UBASH3A: variants seen among roughly 807,000 people sequenced by gnomAD.
UBASH3A encodes ubiquitin-associated and SH3 domain-containing protein A.
A neutral mutation model predicts 73.5 loss-of-function variants in UBASH3A; 63 were observed. The ratio of observed to expected loss-of-function variants is 0.86; its 90% CI spans 0.70 to 1.06. The LOEUF (loss-of-function observed/expected upper bound fraction) is 1.06. Among genes scored for constraint, UBASH3A ranks in the 50% least tolerant of loss-of-function variants. UBASH3A has a pLI of 0.00. For missense variants in UBASH3A, 860 were observed against 859.0 expected (o/e 1.00, Z -0.02); for synonymous variants, 363 against 351.1 (o/e 1.03, Z -0.38).
At chr21:42,420,015 A>G (rs2053305111) in intron 7 of UBASH3A, among the ~76,000 whole-genome samples, 1 of 152,208 alleles carries the variant, frequency 6.6e-6, no homozygotes, top group South Asian at 2.1e-4. Context: ...ACCCCATCTG[A>G]AGTTGAAGAA....
At position 42,423,533 on chromosome 21, in the gene UBASH3A, G is replaced by C. The variant is rs529839799; in HGVS notation, c.1047-3164G>C. ...ACCATCTCAATTTCAGGAGGGTTGG[G>C]GCTCCCCTGTGGCCCCGCATCATTT... On this transcript the variant is annotated intron_variant, in intron 7 of 14. Transcript: ENST00000319294. Among the ~76,000 whole-genome samples the C allele has an allele frequency of 2.0e-5, 3 of 152,252 alleles. No individual in the cohort carries two copies. In the South Asian group the frequency reaches 6.2e-4, roughly 32 times the overall value.
intron 1 of UBASH3A, among the ~76,000 whole-genome samples, chr21:42,405,631 G>T (rs571400162): frequency 6.6e-6 from 1 of 152,170 alleles, no homozygotes; most frequent in Non-Finnish European, 1.5e-5. Flanking sequence ...ATGGACGCCC[G>T]CTGTTTCCAG....
In UBASH3A at chr21:42,426,953, T is replaced by C. The variant is rs1568926730; in HGVS notation, c.1170+133T>C. ...ACATCCTCCCTGCCCTAGAGCGTGG[T>C]CAGCAAGGGGGCCTCCCAGGTCTGA... On this transcript the variant is annotated intron_variant, in intron 8 of 14. Coordinates refer to ENST00000319294, the MANE Select transcript of UBASH3A (RefSeq NM_018961.4). The C allele has an allele frequency of 2.5e-6, 3 of 1,193,750 alleles. No individual in the cohort carries two copies. In the East Asian group the frequency reaches 7.9e-5, roughly 32 times the overall value. 73.9% of individuals were successfully genotyped at this position (1,193,750 alleles called of 1,614,324 possible).
At chr21:42,434,098 C>T (rs754321664) in intron 9 of UBASH3A, among the ~76,000 whole-genome samples, 6 of 151,928 alleles carry the variant, frequency 3.9e-5, no homozygotes, top group Non-Finnish European at 7.4e-5. Context: ...ACCAGTGCCC[C>T]GACTCGTTGA....
At chr21:42,440,405 G>A (rs949390004) in intron 11 of UBASH3A, among the ~76,000 whole-genome samples, 3 of 152,204 alleles carry the variant, frequency 2.0e-5, no homozygotes, top group Admixed American at 6.5e-5. Flanking sequence ...TAGGATCAAT[G>A]TATTTATAAT....
chr21:42,434,789 T>A (rs371316657), intron 9 of UBASH3A, 43 bp from the exon 10 acceptor site: 1 of 1,595,236 alleles, frequency 6.3e-7, no homozygotes, highest in Non-Finnish European at 8.6e-7. Context: ...AAATCTGTAC[T>A]AACTTGATGA....
At chr21:42,435,185 T>G in intron 10 of UBASH3A, 1 of 373,066 alleles carries the variant, frequency 2.7e-6, no homozygotes, top group Non-Finnish European at 4.8e-6. Flanking sequence ...TTCAGGAAGT[T>G]GGCAGGAATG....
In UBASH3A at chr21:42,409,500, G is replaced by A. The variant is rs745401763; in HGVS notation, c.246G>A (p.Gly82=). 1.9e-6 allele frequency: 3 copies of A among 1,614,106 alleles called. No homozygotes were observed. Among genetic ancestry groups the A allele is most frequent in the Non-Finnish European group, 2.5e-6 (3 of 1,180,008 alleles). The change falls in exon 3 of 15, where the codon GGG becomes GGA. Residue 82 remains glycine, a synonymous_variant. Coordinates refer to ENST00000319294, the MANE Select transcript of UBASH3A (RefSeq NM_018961.4). ...QEYALFLCPT[G]PLLEKLQEFW... is the part of the protein sequence containing the mutation. ...ATGCCCTTTTCCTCTGTCCAACGGG[G>A]CCCCTGCTGGAAAAACTTCAAGAGT... is the stretch of plus-strand genomic sequence containing the variant.
At chr21:42,405,955 G>A (rs557175340) in intron 1 of UBASH3A, among the ~76,000 whole-genome samples, 26 of 139,752 alleles carry the variant, frequency 1.9e-4, no homozygotes, top group Middle Eastern at 3.5e-3. Flanking sequence ...GGCACGTTCC[G>A]CAGGGTGGGT....
At chr21:42,420,224 T>A (rs117346108) in intron 7 of UBASH3A, among the ~76,000 whole-genome samples, 3 of 152,180 alleles carry the variant, frequency 2.0e-5, no homozygotes, top group Non-Finnish European at 2.9e-5. Context: ...GTCCCCGATA[T>A]AAAATGCTGT....
intron 2 of UBASH3A, 37 bp downstream of exon 2, chr21:42,406,398 G>A (rs1380694292): frequency 6.3e-7 from 1 of 1,580,384 alleles, no homozygotes; most frequent in Non-Finnish European, 8.7e-7. Context: ...AGGGGCGTTT[G>A]GGCTGAATTC....
chr21:42,413,037 A>G lies in UBASH3A; in HGVS notation c.368A>G (p.Lys123Arg). Residue 123 changes from lysine (K) to arginine (R), a missense_variant, in exon 4 of 15, where the codon AAG becomes AGG. By Grantham distance (26) the Lys-to-Arg change is conservative (BLOSUM62 2). Coordinates refer to ENST00000319294, the MANE Select transcript of UBASH3A (RefSeq NM_018961.4). This position sits in a 1 kb window ranked among gnomAD's most constrained non-coding sequence, Gnocchi z 4.5. Reference protein sequence around the residue: ...LCDFFTCEDQKVECLYEALKR... With the variant: ...LCDFFTCEDQRVECLYEALKR... ...CTGTCCCCTTAGTGTGAAGACCAGA[A>G]GGTGGAATGCCTGTACGAGGCGCTG... is the stretch of plus-strand genomic sequence containing the variant. The G allele has an allele frequency of 1.2e-6, 2 of 1,614,180 alleles. No homozygotes were observed. The highest frequency in any genetic ancestry group is 1.7e-6 in the Non-Finnish European group (2 of 1,179,978).
chr21:42,426,794 A>G lies in UBASH3A; in HGVS notation c.1144A>G (p.Ser382Gly). 2 of 1,614,208 alleles carry G rather than the reference A, an allele frequency of 1.2e-6. No homozygotes were observed. The highest frequency in any genetic ancestry group is 1.7e-6 in the Non-Finnish European group (2 of 1,180,028). Residue 382 changes from serine (S) to glycine (G), a missense_variant, in exon 8 of 15, where the codon AGT becomes GGT. Ser to Gly is a moderately conservative substitution (Grantham distance 56, BLOSUM62 0). Transcript: ENST00000319294. ...GGAATTTCTTCCACAAACGGCAAGG[A>G]GTCTTAGCAGCTTACAGGCCTTGCA... ...SGEFLPQTAR[S>G]LSSLQALQAT...
chr21:42,404,056 C>G lies in UBASH3A; in HGVS notation c.111C>G (p.Thr37=), dbSNP rs987176797. Residue 37 remains threonine, a splice_region_variant and synonymous_variant, in exon 1 of 15, where the codon ACC becomes ACG. Coordinates refer to ENST00000319294, the MANE Select transcript of UBASH3A (RefSeq NM_018961.4). ...PLLAMGFPVH[T]ALKALAATGR... ...TGGCCATGGGCTTCCCGGTGCACAC[C>G]GCGTGAGTACTGCCCAGAGACCCCG... 2 of 1,497,222 alleles carry G rather than the reference C, an allele frequency of 1.3e-6. No individual in the cohort carries two copies. Among genetic ancestry groups the G allele is most frequent in the South Asian group, 2.6e-5 (2 of 77,592 alleles). The allele number at this position is 1,497,222 out of a possible 1,614,324, so 92.7% of individuals were successfully genotyped here. A position where few individuals can be genotyped will look rare whatever the true frequency, so the allele number is the denominator to read the frequency against.
intron 5 of UBASH3A, among the ~76,000 whole-genome samples, chr21:42,415,025 A>G (rs768826594): frequency 2.6e-5 from 4 of 152,098 alleles, no homozygotes; most frequent in Non-Finnish European, 5.9e-5. Flanking sequence ...TCAGCCTGAC[A>G]CCGAGGGGGT....
chr21:42,411,483 A>T (rs766381883), intron 3 of UBASH3A, among the ~76,000 whole-genome samples: 10 of 151,276 alleles, frequency 6.6e-5, no homozygotes, highest in Non-Finnish European at 1.5e-4. Context: ...ATGCACACAG[A>T]TACACACATG....
Position 42,437,468 on chromosome 21 carries a change from C to T in UBASH3A, c.1394-20C>T. 2 of 1,609,344 alleles carry T rather than the reference C, an allele frequency of 1.2e-6. No individual in the cohort carries two copies. Among genetic ancestry groups the T allele is most frequent in the Non-Finnish European group, 1.7e-6 (2 of 1,175,610 alleles). ...TAGAATTATGAAGGGGCATTTTCTG[C>T]CTTTTTCACTATTTTCCAGGGGACG... is the stretch of plus-strand genomic sequence containing the variant. On this transcript the variant is annotated intron_variant, in intron 10 of 14. Transcript: ENST00000319294.
Position 42,418,383 on chromosome 21 carries a change from C to T in UBASH3A, c.838-18C>T, listed in dbSNP as rs200653069. The T allele has an allele frequency of 6.2e-7, 1 of 1,603,002 alleles. No homozygotes were observed. The highest frequency in any genetic ancestry group is 8.5e-7 in the Non-Finnish European group (1 of 1,170,634). ...AAATCTTTGCTCGAGACGTGAAACCCCTTTGCCTCTTTTCTAGACCCTGAG... is the reference window on the plus strand; with the variant it reads ...AAATCTTTGCTCGAGACGTGAAACCTCTTTGCCTCTTTTCTAGACCCTGAG... On this transcript the variant is annotated intron_variant, in intron 6 of 14. Coordinates refer to ENST00000319294, the MANE Select transcript of UBASH3A (RefSeq NM_018961.4).
rs1028097083 is a variant in UBASH3A at position 42,403,979 on chromosome 21, G to A, written c.34G>A (p.Val12Ile). 3 of 1,525,506 alleles carry A rather than the reference G, an allele frequency of 2.0e-6. No homozygotes were observed. The highest frequency in any genetic ancestry group is 2.6e-6 in the Non-Finnish European group (3 of 1,132,346). 94.5% of individuals were successfully genotyped at this position (1,525,506 alleles called of 1,614,324 possible). A position where few individuals can be genotyped will look rare whatever the true frequency, so the allele number is the denominator to read the frequency against. The change falls in exon 1 of 15, where the codon GTC (valine) becomes ATC (isoleucine). Residue 12 changes from valine to isoleucine, a missense_variant. Transcript: ENST00000319294. ...AAGETQLYAK[V>I]SNKLKSRSSP... The stretch of plus-strand genomic sequence containing the variant: ...GGGGGAGACGCAGCTCTACGCCAAG[G>A]TCTCCAACAAGCTCAAGAGCCGCAG...
Sources: gnomAD v4.1 joint callset for allele counts (sites outside exome capture counted in the v4.1 genomes callset) on GRCh38, gnomAD v4.1.1 for gene constraint, Gnocchi (gnomAD v3.1) non-coding constraint, MANE v1.5 for transcripts, NCBI Gene and HGNC (gene_info 2026-07-23, HGNC 2026-07-21) for gene names.